The following C1orf185 variants were observed in gnomAD, a reference collection of about 807,000 sequenced individuals.
C1orf185 encodes uncharacterized protein C1orf185.
C1orf185 carries 13 observed loss-of-function variants against 16.1 expected under a neutral mutation model. The ratio of observed to expected loss-of-function variants is 0.81; its 90% CI spans 0.53 to 1.28. The LOEUF is 1.28. Ranked by LOEUF, C1orf185 falls within the 50% of genes most tolerant of loss-of-function variation. C1orf185 has a pLI of 0.00. For missense variants in C1orf185, 220 were observed against 225.2 expected, an observed-to-expected ratio of 0.98 and a Z score of 0.15; for synonymous variants, 80 against 76.9, an observed-to-expected ratio of 1.04 and a Z score of -0.21.
chr1:51,126,053 C>T (rs80217527), intron 3 of C1orf185, among the ~76,000 whole-genome samples: 4,976 of 152,148 alleles, frequency 0.033, 135 homozygotes, highest in Non-Finnish European at 0.05. Flanking sequence ...TGTTCCTCAA[C>T]TCAAGTTACT....
intron 1 of C1orf185, among the ~76,000 whole-genome samples, chr1:51,110,542 T>C (rs535288881): frequency 6.6e-6 from 1 of 152,312 alleles, no homozygotes; most frequent in Non-Finnish European, 1.5e-5. Flanking sequence ...ATCTTTATCA[T>C]GTCATATTCT....
intron 1 of C1orf185, among the ~76,000 whole-genome samples, chr1:51,106,302 C>T (rs1272133646): frequency 6.6e-6 from 1 of 151,960 alleles, no homozygotes; most frequent in African/African-American, 2.4e-5. Context: ...CCTATAAGCC[C>T]TTACCCCAGG....
rs577482464 is a variant in C1orf185 at position 51,147,939 on chromosome 1, T to C, written c.*168T>C. The C allele has an allele frequency of 1.6e-6, 1 of 619,106 alleles. No individual in the cohort carries two copies. Among genetic ancestry groups the C allele is most frequent in the Admixed American group, 3.6e-5 (1 of 27,756 alleles). The allele number at this position is 619,106 out of a possible 1,614,324, so 38.4% of individuals were successfully genotyped here. On this transcript the variant is annotated 3_prime_UTR_variant, in exon 5 of 5. Coordinates refer to ENST00000371759, the MANE Select transcript of C1orf185 (RefSeq NM_001136508.2). The stretch of plus-strand genomic sequence containing the variant: ...CATGCTAATATTGCTTTTTTTGTTC[T>C]TTACCATAGAGCGGCTCTACTTCCC...
chr1:51,111,325 T>C (rs933383028), intron 1 of C1orf185, among the ~76,000 whole-genome samples: 22 of 151,786 alleles, frequency 1.4e-4, no homozygotes, highest in African/African-American at 5.3e-4. Context: ...ATTGTAAAAT[T>C]GGTGATATAC....
intron 3 of C1orf185, among the ~76,000 whole-genome samples, chr1:51,141,072 T>A (rs1007160823): frequency 6.6e-6 from 1 of 152,200 alleles, no homozygotes; most frequent in Non-Finnish European, 1.5e-5. Flanking sequence ...AATTATTGTA[T>A]CTCAGTAAGG....
chr1:51,147,962 C>G lies in C1orf185; in HGVS notation c.*191C>G, dbSNP rs948796478. 1.0e-5 allele frequency: 5 copies of G among 477,898 alleles called. No homozygotes were observed. The Admixed American group carries it at 1.9e-4, about 18-fold the overall frequency. The allele number at this position is 477,898 out of a possible 1,614,324, so 29.6% of individuals were successfully genotyped here. On this transcript the variant is annotated 3_prime_UTR_variant, in exon 5 of 5. Transcript: ENST00000371759. ...TCTTTACCATAGAGCGGCTCTACTT[C>G]CCTTGCTGGTTCTTATTTCTAGAAA...
At chr1:51,118,550 C>A in intron 2 of C1orf185, 116 bp from the exon 3 acceptor site, 3 of 603,100 alleles carry the variant, frequency 5.0e-6, no homozygotes, top group Non-Finnish European at 7.6e-6. Flanking sequence ...AATAAATATG[C>A]TATAATGTAT....
chr1:51,106,760 AT>A (rs1188472569), intron 1 of C1orf185, among the ~76,000 whole-genome samples: 372 of 140,554 alleles, frequency 2.6e-3, no homozygotes, highest in Middle Eastern at 0.011. Flanking sequence ...CAGATCTGTA[AT>A]TTTTTTTTTT....
chr1:51,120,872 C>T (rs913160216), intron 3 of C1orf185, among the ~76,000 whole-genome samples: 1 of 151,990 alleles, frequency 6.6e-6, no homozygotes, highest in Admixed American at 6.5e-5. Flanking sequence ...TTGGAGATGA[C>T]CAAGGGAGAT....
intron 3 of C1orf185, among the ~76,000 whole-genome samples, chr1:51,132,751 CAT>C (rs1347512758): frequency 6.6e-6 from 1 of 151,972 alleles, no homozygotes; most frequent in East Asian, 1.9e-4. Context: ...CCGAGACACA[CAT>C]AATCATTGGA....
chr1:51,110,609 C>A (rs1045002239), intron 1 of C1orf185, among the ~76,000 whole-genome samples: 7 of 152,156 alleles, frequency 4.6e-5, no homozygotes, highest in African/African-American at 1.7e-4. Context: ...TATACTCAAT[C>A]TTTTCCCAAA....
At chr1:51,113,406 G>T (rs745869685) in intron 2 of C1orf185, among the ~76,000 whole-genome samples, 1 of 151,544 alleles carries the variant, frequency 6.6e-6, no homozygotes, top group Non-Finnish European at 1.5e-5. Flanking sequence ...ATTTCAGGCC[G>T]GGTGCCGTGG....
chr1:51,148,646 G>A (rs1337997683), downstream of C1orf185, among the ~76,000 whole-genome samples: 2 of 152,108 alleles, frequency 1.3e-5, no homozygotes, highest in Non-Finnish European at 2.9e-5. Context: ...CAGAAAAGAG[G>A]CCAGGCACAG....
chr1:51,104,152 T>C (rs1646053277), intron 1 of C1orf185, among the ~76,000 whole-genome samples: 1 of 152,188 alleles, frequency 6.6e-6, no homozygotes, highest in African/African-American at 2.4e-5. Flanking sequence ...CATGCAATGT[T>C]TCACACGTAT....
At chr1:51,122,769 A>G (rs1365555652) in intron 3 of C1orf185, among the ~76,000 whole-genome samples, 1 of 152,186 alleles carries the variant, frequency 6.6e-6, no homozygotes, top group Non-Finnish European at 1.5e-5. Context: ...AACCCCTGGC[A>G]ACCCCTGATC....
At chr1:51,146,705 T>C (rs930687779) in intron 4 of C1orf185, among the ~76,000 whole-genome samples, 4 of 152,104 alleles carry the variant, frequency 2.6e-5, no homozygotes, top group Admixed American at 2.0e-4. Flanking sequence ...AATGGGTCAT[T>C]TATCTAAGTC....
chr1:51,139,100 T>C (rs771369982), intron 3 of C1orf185, among the ~76,000 whole-genome samples: 1 of 152,136 alleles, frequency 6.6e-6, no homozygotes, highest in Admixed American at 6.6e-5. Flanking sequence ...TCTTTTTTTT[T>C]TCTTTTTCTT....
chr1:51,119,024 T>C (rs1646178933), intron 3 of C1orf185, among the ~76,000 whole-genome samples: 3 of 152,166 alleles, frequency 2.0e-5, no homozygotes, highest in Admixed American at 2.0e-4. Flanking sequence ...CAACCTGCAT[T>C]CCACATATTG....
intron 2 of C1orf185, among the ~76,000 whole-genome samples, chr1:51,115,990 A>G (rs1646154694): frequency 1.3e-5 from 2 of 152,206 alleles, no homozygotes; most frequent in African/African-American, 4.8e-5. Flanking sequence ...AAGCTCAGCC[A>G]TTTACTGAGA....
Sources: allele counts gnomAD v4.1 joint callset (sites outside exome capture counted in the v4.1 genomes callset), GRCh38; gene constraint gnomAD v4.1.1; transcripts MANE v1.5; gene names NCBI Gene and HGNC (gene_info 2026-07-23, HGNC 2026-07-21).